The following ROCK1 variants were observed in gnomAD, a reference collection of about 807,000 sequenced individuals.
The protein encoded by ROCK1 is Rho associated coiled-coil containing protein kinase 1.
In ROCK1, 36 loss-of-function variants were observed where a neutral mutation model predicts 196.8. The observed-to-expected ratio is 0.18, with a 90% confidence interval of 0.14 to 0.24. The LOEUF is 0.24. Among genes scored for constraint, ROCK1 ranks in the 10% least tolerant of loss-of-function variants. ROCK1 has a pLI of 1.00. For missense variants in ROCK1, 920 were observed against 1,562.0 expected (o/e 0.59, Z 6.93); for synonymous variants, 443 against 515.9 (o/e 0.86, Z 1.91).
chr18:21,093,070 T>A (rs2036584355), intron 1 of ROCK1, among the ~76,000 whole-genome samples: 2 of 152,214 alleles, frequency 1.3e-5, no homozygotes, highest in Admixed American at 1.3e-4. Context: ...AGACCTATGC[T>A]CATCAGCACA....
chr18:21,110,998 G>T lies in ROCK1; in HGVS notation c.-88C>A. 1 of 1,110,008 alleles carries T rather than the reference G, an allele frequency of 9.0e-7. No homozygotes were observed. Among genetic ancestry groups the T allele is most frequent in the Non-Finnish European group, 1.4e-6 (1 of 737,318 alleles). 68.8% of individuals were successfully genotyped at this position (1,110,008 alleles called of 1,614,324 possible). ...CTTCCTCCGCGGTGGGTTCGCAGCC[G>T]CGGGGCGGAGGAGCCGGAACCTCAG... is the stretch of plus-strand genomic sequence containing the variant. On this transcript the variant is annotated 5_prime_UTR_variant, in exon 1 of 33. Transcript: ENST00000399799.
rs764605164 is a variant in ROCK1 at position 20,954,748 on chromosome 18, T to G, written c.3853+35A>C. ...GTTCATTGAGACTTAAAATTAAATT[T>G]GTTATAAGTTGTAACAATAATTACC... On this transcript the variant is annotated intron_variant, in intron 31 of 32. Coordinates refer to ENST00000399799, the MANE Select transcript of ROCK1 (RefSeq NM_005406.3). The G allele has an allele frequency of 6.5e-6, 10 of 1,543,500 alleles. No homozygotes were observed. In the Admixed American group the frequency reaches 2.1e-4, roughly 32 times the overall value.
intron 13 of ROCK1, among the ~76,000 whole-genome samples, chr18:21,008,895 A>G (rs1398529755): frequency 6.6e-6 from 1 of 152,192 alleles, no homozygotes; most frequent in Non-Finnish European, 1.5e-5. Flanking sequence ...ACAATAGTAC[A>G]ATAACAAAAT....
chr18:21,052,554 C>T (rs1373236350), intron 2 of ROCK1, among the ~76,000 whole-genome samples: 1 of 152,092 alleles, frequency 6.6e-6, no homozygotes, highest in Non-Finnish European at 1.5e-5. Flanking sequence ...GGACCTGTAC[C>T]GGTTCATGGC....
At chr18:21,005,706 G>A (rs1365493545) in intron 16 of ROCK1, among the ~76,000 whole-genome samples, 2 of 152,162 alleles carry the variant, frequency 1.3e-5, no homozygotes, top group Admixed American at 6.5e-5. Context: ...GTGAAACCCC[G>A]TCTCTACAAA....
Position 21,045,315 on chromosome 18 carries a change from G to A in ROCK1, c.567C>T (p.Ile189=). The change falls in exon 5 of 33, where the codon ATC becomes ATT. Residue 189 remains isoleucine (I), a synonymous_variant. Transcript: ENST00000399799. ...TAEVVLALDA[I]HSMGFIHRDV... ...ACCTGTGAATAAAACCCATGGAATGGATTGCATCCAATGCAAGAACTACTT... is the reference window on the plus strand; with the variant it reads ...ACCTGTGAATAAAACCCATGGAATGAATTGCATCCAATGCAAGAACTACTT... 2 of 1,609,614 alleles carry A rather than the reference G, an allele frequency of 1.2e-6. No individual in the cohort carries two copies. The highest frequency in any genetic ancestry group is 1.3e-5 in the African/African-American group (1 of 74,814).
chr18:21,057,548 G>A lies in ROCK1; in HGVS notation c.176-7668C>T, dbSNP rs193086512. ...ATACTGTTTTAAAAATTGGCCAGGC[G>A]CTGTGACTCACGCCTATAATCCCAG... is the stretch of plus-strand genomic sequence containing the variant. On this transcript the variant is annotated intron_variant, in intron 2 of 32. Coordinates refer to ENST00000399799, the MANE Select transcript of ROCK1 (RefSeq NM_005406.3). Among the ~76,000 whole-genome samples, 9 of 152,272 alleles carry A rather than the reference G, an allele frequency of 5.9e-5. No individual in the cohort carries two copies. The East Asian group carries it at 1.3e-3, about 23-fold the overall frequency.
At position 20,969,125 on chromosome 18, in the gene ROCK1, CT is replaced by C; in HGVS notation, c.2903del (p.Lys968ArgfsTer42). ...AAAAATTCTACATACCTTCCTCTGCCTTCTTCATTTTCTCTGTTAGCTCTTC... is the reference window on the plus strand; with the variant it reads ...AAAAATTCTACATACCTTCCTCTGCCTCTTCATTTTCTCTGTTAGCTCTTC... ...ENEELTEKMK[K>X]AEEEYKLEKE... is the part of the protein sequence containing the mutation. On this transcript the variant is annotated frameshift_variant, in exon 24 of 33. Transcript: ENST00000399799. LOFTEE classifies it high-confidence loss of function. 6.3e-7 allele frequency: 1 copy of C among 1,583,974 alleles called. No homozygotes were observed. Among genetic ancestry groups the C allele is most frequent in the Non-Finnish European group, 8.6e-7 (1 of 1,160,794 alleles).
At chr18:21,072,420 C>T (rs954192680) in intron 1 of ROCK1, among the ~76,000 whole-genome samples, 2 of 152,152 alleles carry the variant, frequency 1.3e-5, no homozygotes, top group African/African-American at 4.8e-5. Context: ...AGTCAAGACA[C>T]TGGGGTGGGA....
At chr18:21,035,794 G>A (rs1458836558) in intron 9 of ROCK1, among the ~76,000 whole-genome samples, 1 of 152,116 alleles carries the variant, frequency 6.6e-6, no homozygotes, top group African/African-American at 2.4e-5. Flanking sequence ...TGAAGACATT[G>A]TGCTAGGTGA....
At chr18:20,996,193 C>T (rs1462221009) in intron 16 of ROCK1, among the ~76,000 whole-genome samples, 3 of 151,946 alleles carry the variant, frequency 2.0e-5, no homozygotes, top group Non-Finnish European at 4.4e-5. Flanking sequence ...ATTCAGAATC[C>T]CATCAGATAA....
At position 20,948,721 on chromosome 18, in the gene ROCK1, G is replaced by C. The variant is rs2035153294; in HGVS notation, c.*2663C>G. 1 of 151,736 alleles carries C rather than the reference G, an allele frequency of 6.6e-6. No homozygotes were observed. The highest frequency in any genetic ancestry group is 2.4e-5 in the African/African-American group (1 of 41,182). The allele number at this position is 151,736 out of a possible 1,614,324, so 9.4% of individuals were successfully genotyped here. On this transcript the variant is annotated 3_prime_UTR_variant, in exon 33 of 33. Transcript: ENST00000399799. ...AGAAAGCTAGAGGCTATATTTCTCA[G>C]ACTTTCTTGCAGCTAGGGGTCTGGA...
intron 2 of ROCK1, among the ~76,000 whole-genome samples, chr18:21,067,365 G>A (rs2036343967): frequency 7.0e-6 from 1 of 143,016 alleles, no homozygotes; most frequent in Admixed American, 7.0e-5. Flanking sequence ...TTCCTATTTT[G>A]TAAGTTGTCT....
chr18:20,959,977 G>A, intron 28 of ROCK1, 49 bp from the exon 29 acceptor site: 1 of 1,233,778 alleles, frequency 8.1e-7, no homozygotes, highest in Non-Finnish European at 1.2e-6. Context: ...CATTAACTTG[G>A]TTTAAAGTGA....
At chr18:21,071,819 G>T (rs1343307713) in intron 1 of ROCK1, among the ~76,000 whole-genome samples, 1 of 152,116 alleles carries the variant, frequency 6.6e-6, no homozygotes, top group Non-Finnish European at 1.5e-5. Flanking sequence ...TGATACCGTT[G>T]GGAGAACAAG....
At chr18:21,043,543 GTTA>G (rs905291456) in intron 6 of ROCK1, among the ~76,000 whole-genome samples, 1 of 143,264 alleles carries the variant, frequency 7.0e-6, no homozygotes, top group Non-Finnish European at 1.5e-5. Flanking sequence ...ATTTATTTAT[GTTA>G]TTTATTATAT....
At chr18:21,043,274 A>C (rs1170072150) in intron 6 of ROCK1, among the ~76,000 whole-genome samples, 1 of 152,136 alleles carries the variant, frequency 6.6e-6, no homozygotes, top group Non-Finnish European at 1.5e-5. Context: ...TATGTATGGG[A>C]AAAGGGCATA....
At chr18:21,001,315 A>G (rs1337719713) in intron 16 of ROCK1, among the ~76,000 whole-genome samples, 2 of 152,248 alleles carry the variant, frequency 1.3e-5, no homozygotes, top group East Asian at 3.8e-4. Flanking sequence ...CCTATTTTGT[A>G]GTTTCAAAAT....
chr18:20,967,121 T>C (rs1376539165), intron 26 of ROCK1, 45 bp from the exon 27 acceptor site: 2 of 1,275,524 alleles, frequency 1.6e-6, no homozygotes, highest in African/African-American at 3.0e-5. Context: ...GCTAAAACAA[T>C]TTCCAACATT....
Sources: gnomAD v4.1 joint callset for allele counts (sites outside exome capture counted in the v4.1 genomes callset) on GRCh38, gnomAD v4.1.1 for gene constraint, MANE v1.5 for transcripts, NCBI Gene and HGNC (gene_info 2026-07-23, HGNC 2026-07-21) for gene names.